The following SLIT2 variants were observed in gnomAD, a reference collection of about 807,000 sequenced individuals.
SLIT2 encodes slit homolog 2 protein.
Under a neutral mutation model 185.7 loss-of-function variants are expected in SLIT2, and 41 were observed. That is an observed-to-expected ratio of 0.22 (90% CI 0.17 to 0.29). SLIT2 has a LOEUF of 0.29. SLIT2 is among the 10% of genes least tolerant of loss of function. The pLI is 1.00. For missense variants in SLIT2, 1,571 were observed against 1,909.0 expected (o/e 0.82, Z 3.30); for synonymous variants, 693 against 680.2 (o/e 1.02, Z -0.29).
In SLIT2 at chr4:20,533,690, A is replaced by G; in HGVS notation, c.1807A>G (p.Lys603Glu). 2 of 1,612,484 alleles carry G rather than the reference A, an allele frequency of 1.2e-6. No homozygotes were observed. The highest frequency in any genetic ancestry group is 1.1e-5 in the South Asian group (1 of 90,426). The change falls in exon 18 of 37, where the codon AAG (lysine) becomes GAG (glutamate). Residue 603 changes from lysine to glutamate, a missense_variant. By Grantham distance (56) the Lys-to-Glu change is moderately conservative. Around this residue, in one of 3 missense-constraint regions of SLIT2, gnomAD observed 1,202 missense variants for 1,416.4 expected, o/e 0.85. Transcript: ENST00000504154. ...GGAAAATGTGCAGCATAAGATGTTC[A>G]AGGGATTGGAAAGCCTCAAAACTTT... Reference protein sequence around the residue: ...RLENVQHKMFKGLESLKTLML... With the variant: ...RLENVQHKMFEGLESLKTLML...
intron 4 of SLIT2, among the ~76,000 whole-genome samples, chr4:20,332,418 G>A (rs929433546): frequency 1.3e-5 from 2 of 152,082 alleles, no homozygotes; most frequent in Non-Finnish European, 2.9e-5. Context: ...AAGTTAAAAC[G>A]AAATAAAGGG....
intron 5 of SLIT2, among the ~76,000 whole-genome samples, chr4:20,478,860 T>A (rs759073969): frequency 6.6e-6 from 1 of 152,174 alleles, no homozygotes. Flanking sequence ...ATTAACTTAA[T>A]TGTTAAATGA....
intron 5 of SLIT2, among the ~76,000 whole-genome samples, chr4:20,480,089 A>C (rs1716538313): frequency 6.6e-6 from 1 of 152,188 alleles, no homozygotes; most frequent in Non-Finnish European, 1.5e-5. Flanking sequence ...AATGATAAAG[A>C]ATGTGAATTA....
intron 4 of SLIT2, among the ~76,000 whole-genome samples, chr4:20,370,979 A>T (rs564888314): frequency 1.7e-4 from 26 of 152,192 alleles, no homozygotes; most frequent in African/African-American, 6.3e-4. Context: ...TCTTGAATTG[A>T]TCATCGTATC....
intron 24 of SLIT2, 131 bp downstream of exon 24, chr4:20,549,259 T>A: frequency 3.5e-6 from 2 of 569,688 alleles, no homozygotes; most frequent in Non-Finnish European, 6.2e-6. Context: ...TATTATAAAT[T>A]AGGAAATAGA....
chr4:20,307,195 T>TTCCTTCCTTCC (rs1560302504), intron 4 of SLIT2, among the ~76,000 whole-genome samples: 1 of 28,030 alleles, frequency 3.6e-5, no homozygotes, highest in African/African-American at 1.3e-4. Context: ...TCCTTCCTTC[T>TTCCTTCCTTCC]TTCCCTGACT....
intron 4 of SLIT2, among the ~76,000 whole-genome samples, chr4:20,453,779 C>G (rs1268134032): frequency 1.3e-5 from 2 of 152,180 alleles, no homozygotes; most frequent in African/African-American, 4.8e-5. Context: ...CTGTCAGGCA[C>G]TTATTCTATG....
At chr4:20,526,392 T>C (rs1721301110) in intron 15 of SLIT2, among the ~76,000 whole-genome samples, 1 of 152,128 alleles carries the variant, frequency 6.6e-6, no homozygotes. Flanking sequence ...TAATATTAAT[T>C]ACTTTACCCA....
At chr4:20,322,082 AC>A (rs1719139085) in intron 4 of SLIT2, among the ~76,000 whole-genome samples, 1 of 152,104 alleles carries the variant, frequency 6.6e-6, no homozygotes, top group Non-Finnish European at 1.5e-5. Flanking sequence ...TCAGCATCCT[AC>A]TCAGTACAGG....
intron 4 of SLIT2, among the ~76,000 whole-genome samples, chr4:20,380,712 T>TA (rs1043453911): frequency 6.6e-6 from 1 of 150,598 alleles, no homozygotes; most frequent in African/African-American, 2.4e-5. Context: ...CACTAGAAAA[T>TA]AAAAAAATGA....
At chr4:20,365,753 G>A (rs991024388) in intron 4 of SLIT2, among the ~76,000 whole-genome samples, 32 of 152,112 alleles carry the variant, frequency 2.1e-4, no homozygotes, top group Admixed American at 1.4e-3. Flanking sequence ...CCCTCCACTT[G>A]AAATGCCTTT....
chr4:20,275,856 G>A (rs1370151598), intron 4 of SLIT2, among the ~76,000 whole-genome samples: 2 of 152,106 alleles, frequency 1.3e-5, no homozygotes, highest in Non-Finnish European at 2.9e-5. Context: ...TTTTAATGAT[G>A]TGTTTTTCTG....
At chr4:20,554,009 A>G (rs758277359) in intron 26 of SLIT2, 41 bp downstream of exon 26, 23 of 1,461,444 alleles carry the variant, frequency 1.6e-5, no homozygotes, top group South Asian at 4.1e-5. Flanking sequence ...AAGAATTACT[A>G]TATTAAGTAA....
At chr4:20,604,654 A>G (rs559338203) in intron 33 of SLIT2, among the ~76,000 whole-genome samples, 1 of 150,146 alleles carries the variant, frequency 6.7e-6, no homozygotes, top group Admixed American at 6.6e-5. Flanking sequence ...GCCTACATAG[A>G]TATCTTTAAT....
chr4:20,484,717 G>A lies in SLIT2; in HGVS notation c.540-1483G>A, dbSNP rs1577756038. On this transcript the variant is annotated intron_variant, in intron 6 of 36. Transcript: ENST00000504154. The surrounding 1 kb of genome is among the most constrained non-coding windows in gnomAD (Gnocchi z 4.3). ...ACTGTTTGAAATGTTTTAATTAGTT[G>A]CCACTATTTAAACATTAGAAAGATC... Among the ~76,000 whole-genome samples, 2 of 152,032 alleles carry A rather than the reference G, an allele frequency of 1.3e-5. No individual in the cohort carries two copies. The highest frequency in any genetic ancestry group is 4.8e-5 in the African/African-American group (2 of 41,380).
chr4:20,475,416 A>G (rs1021361090), intron 5 of SLIT2, among the ~76,000 whole-genome samples: 7 of 149,664 alleles, frequency 4.7e-5, no homozygotes, highest in Admixed American at 4.0e-4. Context: ...GGTCTCTTCC[A>G]TAGTAATCAT....
At chr4:20,559,111 G>A (rs898786780) in intron 26 of SLIT2, among the ~76,000 whole-genome samples, 2 of 151,884 alleles carry the variant, frequency 1.3e-5, no homozygotes, top group South Asian at 2.1e-4. Flanking sequence ...GAGCTTGCAC[G>A]TAGGAAACTT....
intron 4 of SLIT2, among the ~76,000 whole-genome samples, chr4:20,301,112 C>T (rs906242006): frequency 6.6e-6 from 1 of 152,036 alleles, no homozygotes; most frequent in Non-Finnish European, 1.5e-5. Flanking sequence ...CTCATATATT[C>T]AATGAGATGC....
At chr4:20,289,332 A>G (rs555117396) in intron 4 of SLIT2, among the ~76,000 whole-genome samples, 1 of 152,294 alleles carries the variant, frequency 6.6e-6, no homozygotes, top group East Asian at 1.9e-4. Flanking sequence ...ACTATTAAAA[A>G]AAATCTGTGT....
Sources: allele counts gnomAD v4.1 joint callset (sites outside exome capture counted in the v4.1 genomes callset), GRCh38; gene constraint gnomAD v4.1.1; regional missense constraint gnomAD v4.1.1; non-coding constraint Gnocchi (gnomAD v3.1); transcripts MANE v1.5; gene names NCBI Gene and HGNC (gene_info 2026-07-23, HGNC 2026-07-21).